Variants in TESC observed in about 807,000 individuals in gnomAD.
TESC encodes the protein tescalcin, also known as calcineurin B homologous protein 3.
TESC carries 19 observed loss-of-function variants against 31.0 expected under a neutral mutation model. That is an observed-to-expected ratio of 0.61 (90% CI 0.43 to 0.90). The LOEUF is 0.90. TESC is among the 40% of genes least tolerant of loss of function. TESC has a pLI of 0.00. For synonymous variants in TESC, 109 were observed against 114.8 expected (o/e 0.95, Z 0.32); for missense variants, 248 against 303.8 (o/e 0.82, Z 1.36).
chr12:117,045,958 T>C (rs1239122270), intron 6 of TESC, among the ~76,000 whole-genome samples: 1 of 152,208 alleles, frequency 6.6e-6, no homozygotes, highest in African/African-American at 2.4e-5. Context: ...TCATAAGGTC[T>C]AGAGGATTCT....
intron 2 of TESC, among the ~76,000 whole-genome samples, chr12:117,063,096 C>T (rs1400064595): frequency 6.6e-6 from 1 of 152,222 alleles, no homozygotes; most frequent in Non-Finnish European, 1.5e-5. Flanking sequence ...CACTGCAACA[C>T]TTAATCACCC....
Position 117,046,767 on chromosome 12 carries a change from C to A in TESC, c.411+10G>T. 6.4e-7 allele frequency: 1 copy of A among 1,560,934 alleles called. No homozygotes were observed. The highest frequency in any genetic ancestry group is 1.2e-5 in the South Asian group (1 of 84,720). ...AGGAGCCCCGGGCGGGCCAGAGGAG[C>A]ATACTTTACATTTCGATATTCTTCC... is the stretch of plus-strand genomic sequence containing the variant. On this transcript the variant is annotated intron_variant, in intron 5 of 7. Coordinates refer to ENST00000335209, the MANE Select transcript of TESC (RefSeq NM_017899.4).
chr12:117,062,682 C>T (rs58473851), intron 2 of TESC, among the ~76,000 whole-genome samples: 12,235 of 152,226 alleles, frequency 0.08, 1,012 homozygotes, highest in African/African-American at 0.2. Context: ...ACAAGGAGAG[C>T]ACCGGCCTTG....
intron 2 of TESC, among the ~76,000 whole-genome samples, chr12:117,071,407 TGGGATGGGGCACCCCCAGAAG>T (rs1954971119): frequency 6.6e-6 from 1 of 151,912 alleles, no homozygotes; most frequent in African/African-American, 2.4e-5. Context: ...CTGTGAATGT[TGGGATGGGGCACCCCCAGAAG>T]GAGGCTGTGG....
Position 117,063,588 on chromosome 12 carries a change from A to G in TESC, c.129-6702T>C, listed in dbSNP as rs557982374. Among the ~76,000 whole-genome samples, 141 of 152,048 alleles carry G rather than the reference A, an allele frequency of 9.3e-4. 1 individual carries two copies. Among genetic ancestry groups the G allele is most frequent in the Middle Eastern group, 3.4e-3 (1 of 294 alleles). The stretch of plus-strand genomic sequence containing the variant: ...CCACCAACCACCACAAGGCTAACCG[A>G]CCTCCAAGGTGAGGGTGCAGCCAGG... On this transcript the variant is annotated intron_variant, in intron 2 of 7. Transcript: ENST00000335209.
chr12:117,071,556 T>C (rs1300943342), intron 2 of TESC, among the ~76,000 whole-genome samples: 2 of 152,108 alleles, frequency 1.3e-5, no homozygotes, highest in African/African-American at 2.4e-5. Context: ...AAAGATGACG[T>C]TGATGGCACT....
chr12:117,079,348 G>A (rs1192975620), intron 1 of TESC, among the ~76,000 whole-genome samples: 1 of 152,048 alleles, frequency 6.6e-6, no homozygotes, highest in Non-Finnish European at 1.5e-5. Flanking sequence ...GATCACTTGA[G>A]GTCAGGAGTT....
intron 6 of TESC, among the ~76,000 whole-genome samples, chr12:117,044,203 G>A (rs531366840): frequency 2.6e-5 from 4 of 152,206 alleles, no homozygotes; most frequent in Non-Finnish European, 4.4e-5. Context: ...GATGGAAGCC[G>A]TAGTGAGCTA....
At chr12:117,088,549 C>T (rs1223935566) in intron 1 of TESC, among the ~76,000 whole-genome samples, 10 of 152,176 alleles carry the variant, frequency 6.6e-5, no homozygotes, top group Admixed American at 2.6e-4. Context: ...GGCGTGGCGG[C>T]GCATGCCTGT....
intron 6 of TESC, among the ~76,000 whole-genome samples, chr12:117,044,513 G>A (rs1292349838): frequency 6.6e-6 from 1 of 152,192 alleles, no homozygotes; most frequent in Non-Finnish European, 1.5e-5. Context: ...AAGGAGGGCG[G>A]GGAGTTGGGG....
chr12:117,071,275 C>T (rs1284298557), intron 2 of TESC, among the ~76,000 whole-genome samples: 3 of 152,232 alleles, frequency 2.0e-5, no homozygotes, highest in African/African-American at 4.8e-5. Flanking sequence ...TCTCACAGCA[C>T]CTACTGTGTT....
At chr12:117,095,197 C>T (rs1466699342) in intron 1 of TESC, among the ~76,000 whole-genome samples, 1 of 151,888 alleles carries the variant, frequency 6.6e-6, no homozygotes, top group Non-Finnish European at 1.5e-5. Context: ...ACCTCAGCCT[C>T]CCGAGTAGCT....
At chr12:117,093,146 G>T (rs1287910331) in intron 1 of TESC, among the ~76,000 whole-genome samples, 1 of 152,168 alleles carries the variant, frequency 6.6e-6, no homozygotes, top group Non-Finnish European at 1.5e-5. Flanking sequence ...TACAGTTGTT[G>T]GGGTGCTCCC....
chr12:117,045,724 A>G (rs1379770846), intron 6 of TESC, among the ~76,000 whole-genome samples: 1 of 152,250 alleles, frequency 6.6e-6, no homozygotes, highest in Non-Finnish European at 1.5e-5. Flanking sequence ...CAGGCTGGGC[A>G]AACACAAAGC....
intron 2 of TESC, among the ~76,000 whole-genome samples, chr12:117,068,605 C>T (rs546007492): frequency 5.3e-5 from 8 of 152,346 alleles, no homozygotes; most frequent in African/African-American, 1.7e-4. Flanking sequence ...TGACGCCCCA[C>T]TGTCTGGGCT....
chr12:117,041,933 C>G lies in TESC; in HGVS notation c.567+14G>C. ...TCAAGGGTCCCCCGAGGCTCCCACG[C>G]CCAGGCCACCCACCTTCAGGAAGTC... On this transcript the variant is annotated intron_variant, in intron 7 of 7. Coordinates refer to ENST00000335209, the MANE Select transcript of TESC (RefSeq NM_017899.4). 6.3e-7 allele frequency: 1 copy of G among 1,581,406 alleles called. No homozygotes were observed. The highest frequency in any genetic ancestry group is 8.6e-7 in the Non-Finnish European group (1 of 1,162,930).
At chr12:117,092,546 G>A (rs978254089) in intron 1 of TESC, among the ~76,000 whole-genome samples, 3 of 152,214 alleles carry the variant, frequency 2.0e-5, no homozygotes, top group Non-Finnish European at 2.9e-5. Context: ...AGGCTGGGGG[G>A]GTCCCATGAT....
chr12:117,084,403 G>A (rs1312773820), intron 1 of TESC, among the ~76,000 whole-genome samples: 1 of 152,214 alleles, frequency 6.6e-6, no homozygotes, highest in East Asian at 1.9e-4. Flanking sequence ...GTTCCCTCCA[G>A]CCAGTTGCTG....
intron 2 of TESC, among the ~76,000 whole-genome samples, chr12:117,057,240 A>G (rs542185449): frequency 6.6e-6 from 1 of 152,274 alleles, no homozygotes; most frequent in African/African-American, 2.4e-5. Context: ...CTGGGATGAC[A>G]GATGCACGCC....
Sources: gnomAD v4.1 joint callset for allele counts (sites outside exome capture counted in the v4.1 genomes callset) on GRCh38, gnomAD v4.1.1 for gene constraint, MANE v1.5 for transcripts, NCBI Gene and HGNC (gene_info 2026-07-23, HGNC 2026-07-21) for gene names.